The following DCP2 variants were observed in gnomAD, a reference collection of about 807,000 sequenced individuals.
DCP2 encodes decapping mRNA 2.
Under a neutral mutation model 56.1 loss-of-function variants are expected in DCP2, and 30 were observed. The ratio of observed to expected loss-of-function variants is 0.53; its 90% confidence interval spans 0.40 to 0.73. The LOEUF (loss-of-function observed/expected upper bound fraction) is 0.73. Among genes scored for constraint, DCP2 ranks in the 30% least tolerant of loss-of-function variants. The pLI is 0.00. For missense variants in DCP2, 533 were observed against 502.7 expected, an observed-to-expected ratio of 1.06 and a Z score of -0.58; for synonymous variants, 197 against 163.3, an observed-to-expected ratio of 1.21 and a Z score of -1.57.
At chr5:112,988,148 T>G (rs2150172800) in intron 2 of DCP2, among the ~76,000 whole-genome samples, 1 of 152,158 alleles carries the variant, frequency 6.6e-6, no homozygotes. Flanking sequence ...CCATAGCACA[T>G]TTTTGAGCAA....
intron 1 of DCP2, among the ~76,000 whole-genome samples, chr5:112,982,410 T>A (rs2150167678): frequency 6.6e-6 from 1 of 152,364 alleles, no homozygotes; most frequent in African/African-American, 2.4e-5. Flanking sequence ...ACTTACTCTT[T>A]CTTGAATATC....
In DCP2 at chr5:113,017,079, A is replaced by T. The variant is rs1749920929; in HGVS notation, c.*3595A>T. On this transcript the variant is annotated 3_prime_UTR_variant, in exon 11 of 11. Coordinates refer to ENST00000389063, the MANE Select transcript of DCP2 (RefSeq NM_152624.6). ...TGGTCTCTCTTGGCTTTTTATCTTTATTTTTGTACCAGTGGACCTTCCTGC... is the reference window on the plus strand; with the variant it reads ...TGGTCTCTCTTGGCTTTTTATCTTTTTTTTTGTACCAGTGGACCTTCCTGC... 6.6e-6 allele frequency: 1 copy of T among 151,826 alleles called. No homozygotes were observed. The highest frequency in any genetic ancestry group is 2.4e-5 in the African/African-American group (1 of 41,338). The allele number at this position is 151,826 out of a possible 1,614,324, so 9.4% of individuals were successfully genotyped here. A position where few individuals can be genotyped will look rare whatever the true frequency, so the allele number is the denominator to read the frequency against.
At chr5:112,987,061 G>A (rs1748323916) in intron 2 of DCP2, among the ~76,000 whole-genome samples, 1 of 152,098 alleles carries the variant, frequency 6.6e-6, no homozygotes, top group African/African-American at 2.4e-5. Context: ...TACATATCAG[G>A]CAGAAACTTG....
rs1057240868 is a variant in DCP2, at chr5:113,017,016, T to A, written c.*3532T>A. On this transcript the variant is annotated 3_prime_UTR_variant, in exon 11 of 11. Transcript: ENST00000389063. ...GCCACCACGCCCTGCTAATTCTGTC[T>A]TTTTAGTAGAGACGGGGTTTCTCCA... 1 of 152,190 alleles carries A rather than the reference T, an allele frequency of 6.6e-6. No individual in the cohort carries two copies. The highest frequency in any genetic ancestry group is 2.4e-5 in the African/African-American group (1 of 41,424). The allele number at this position is 152,190 out of a possible 1,614,324, so 9.4% of individuals were successfully genotyped here.
chr5:112,999,194 A>G (rs996188930), intron 4 of DCP2, among the ~76,000 whole-genome samples: 10 of 152,234 alleles, frequency 6.6e-5, no homozygotes, highest in African/African-American at 1.9e-4. Context: ...ATAATTTCCA[A>G]TTATGCAGAT....
chr5:112,976,919 C>G lies in DCP2; in HGVS notation c.-15C>G. 2 of 1,613,524 alleles carry G rather than the reference C, an allele frequency of 1.2e-6. No homozygotes were observed. The highest frequency in any genetic ancestry group is 1.7e-6 in the Non-Finnish European group (2 of 1,179,488). ...GCGGAGCCGGGATGCACTGTTCCTG[C>G]TGTGGGTCCTCATCATGGAGACCAA... On this transcript the variant is annotated 5_prime_UTR_variant, in exon 1 of 11. Transcript: ENST00000389063.
At chr5:112,996,391 G>A (rs1031693909) in intron 4 of DCP2, among the ~76,000 whole-genome samples, 1 of 152,088 alleles carries the variant, frequency 6.6e-6, no homozygotes, top group African/African-American at 2.4e-5. Flanking sequence ...TTAGACTTAG[G>A]CTGATGTTTT....
At chr5:113,000,295 T>C (rs1192987937) in intron 4 of DCP2, among the ~76,000 whole-genome samples, 1 of 149,022 alleles carries the variant, frequency 6.7e-6, no homozygotes, top group Non-Finnish European at 1.5e-5. Flanking sequence ...CTCGAACACC[T>C]GGGCTCAAGT....
Position 113,008,007 on chromosome 5 carries a change from G to A in DCP2, c.1012G>A (p.Gly338Arg). Residue 338 changes from glycine to arginine, a missense_variant, in exon 9 of 11, where the codon GGG becomes AGG. Coordinates refer to ENST00000389063, the MANE Select transcript of DCP2 (RefSeq NM_152624.6). ...DSPNQKKRTN[G>R]LQPAKQQNSL... ...ACCTAATCAAAAGAAAAGAACAAAT[G>A]GGCTTCAGCCAGCAAAGCAGCAGAA... is the stretch of plus-strand genomic sequence containing the variant. 2 of 1,613,984 alleles carry A rather than the reference G, an allele frequency of 1.2e-6. No individual in the cohort carries two copies. Among genetic ancestry groups the A allele is most frequent in the Non-Finnish European group, 1.7e-6 (2 of 1,179,902 alleles).
At chr5:113,003,439 G>A (rs777402299) in intron 7 of DCP2, among the ~76,000 whole-genome samples, 7 of 152,114 alleles carry the variant, frequency 4.6e-5, no homozygotes, top group Non-Finnish European at 1.0e-4. Context: ...AGCAGGGCAT[G>A]GTGGCGTGTG....
chr5:113,021,193 C>G lies in DCP2; in HGVS notation c.*7709C>G, dbSNP rs1279063824. ...AGGAGTTCGAGACCAGCCTGACCAACATGGTGAAACTAAAAATTCAAAAAT... is the reference window on the plus strand; with the variant it reads ...AGGAGTTCGAGACCAGCCTGACCAAGATGGTGAAACTAAAAATTCAAAAAT... On this transcript the variant is annotated 3_prime_UTR_variant, in exon 11 of 11. Coordinates refer to ENST00000389063, the MANE Select transcript of DCP2 (RefSeq NM_152624.6). Among the ~76,000 whole-genome samples, 1 of 151,972 alleles carries G rather than the reference C, an allele frequency of 6.6e-6. No individual in the cohort carries two copies.
At chr5:112,989,144 G>A (rs934552741) in intron 2 of DCP2, among the ~76,000 whole-genome samples, 3 of 152,194 alleles carry the variant, frequency 2.0e-5, no homozygotes, top group African/African-American at 4.8e-5. Flanking sequence ...ACAGTGCAGT[G>A]TGGTAGGATG....
intron 4 of DCP2, among the ~76,000 whole-genome samples, chr5:112,996,421 C>T (rs545962299): frequency 2.0e-5 from 3 of 151,866 alleles, no homozygotes; most frequent in African/African-American, 7.3e-5. Flanking sequence ...TTTTTTCTTG[C>T]ATTTAAGTTA....
chr5:112,978,285 A>G (rs762076171), intron 1 of DCP2, among the ~76,000 whole-genome samples: 1 of 152,108 alleles, frequency 6.6e-6, no homozygotes, highest in African/African-American at 2.4e-5. Context: ...TGGAGTTTCT[A>G]CTGTGCACCA....
intron 10 of DCP2, 49 bp from the exon 11 acceptor site, chr5:113,013,272 T>A (rs1343054203): frequency 6.4e-7 from 1 of 1,558,900 alleles, no homozygotes; most frequent in Non-Finnish European, 8.7e-7. Flanking sequence ...AGTATTTGAT[T>A]TCTTACTAAG....
At chr5:112,991,438 T>C (rs934655173) in intron 2 of DCP2, among the ~76,000 whole-genome samples, 2 of 152,208 alleles carry the variant, frequency 1.3e-5, no homozygotes, top group African/African-American at 4.8e-5. Context: ...CTGCCCAGTT[T>C]TGGGGGGAGG....
intron 1 of DCP2, among the ~76,000 whole-genome samples, chr5:112,984,860 A>G (rs75159683): frequency 0.017 from 2,565 of 151,202 alleles, 69 homozygotes; most frequent in African/African-American, 0.058. Context: ...GCATGCCACC[A>G]TATCTGGCTA....
At chr5:112,997,701 G>C (rs1296049733) in intron 4 of DCP2, among the ~76,000 whole-genome samples, 2 of 150,666 alleles carry the variant, frequency 1.3e-5, no homozygotes, top group East Asian at 3.9e-4. Flanking sequence ...CCCAACCTCC[G>C]CCTCCCGGGT....
intron 8 of DCP2, among the ~76,000 whole-genome samples, chr5:113,006,787 A>G (rs1749457394): frequency 6.6e-6 from 1 of 152,210 alleles, no homozygotes; most frequent in South Asian, 2.1e-4. Flanking sequence ...ATTTAATAGC[A>G]AGATTCAAAC....
Sources: allele counts gnomAD v4.1 joint callset (sites outside exome capture counted in the v4.1 genomes callset), GRCh38; gene constraint gnomAD v4.1.1; transcripts MANE v1.5; gene names NCBI Gene and HGNC (gene_info 2026-07-23, HGNC 2026-07-21).